Variants in RBFOX3 observed in about 807,000 individuals in gnomAD.
RBFOX3 encodes the protein RNA binding fox-1 homolog 3, also known as RNA binding protein fox-1 homolog 3.
Under a neutral mutation model 48.7 loss-of-function variants are expected in RBFOX3, and 17 were observed. The ratio of observed to expected loss-of-function variants is 0.35; its 90% confidence interval spans 0.24 to 0.52. RBFOX3 has a LOEUF of 0.52. Ranked by LOEUF, RBFOX3 falls within the 20% of genes least tolerant of loss-of-function variation. The pLI, the probability that RBFOX3 is intolerant of heterozygous loss-of-function variation, is 0.94. For missense variants in RBFOX3, 382 were observed against 497.5 expected, an observed-to-expected ratio of 0.77 and a Z score of 2.21; for synonymous variants, 212 against 209.5, an observed-to-expected ratio of 1.01 and a Z score of -0.10.
chr17:79,138,989 TCACA>T (rs1167454810), intron 4 of RBFOX3, among the ~76,000 whole-genome samples: 1 of 34,368 alleles, frequency 2.9e-5, no homozygotes, highest in Non-Finnish European at 5.6e-5. Context: ...TCACACCCCC[TCACA>T]CACATGCACA....
intron 3 of RBFOX3, among the ~76,000 whole-genome samples, chr17:79,268,186 C>G (rs545651762): frequency 6.6e-6 from 1 of 152,056 alleles, no homozygotes; most frequent in South Asian, 2.1e-4. Context: ...CGAGGGTGTC[C>G]CCTGTGGGGA....
rs532717991 is a variant in RBFOX3, at chr17:79,364,490, G to A, written c.-174-56666C>T. ...AGTGCTGCTCTCCCAGGCCAAGCAC[G>A]TCTCCCAGGCATCTGATGGGTCAGT... On this transcript the variant is annotated intron_variant, in intron 2 of 14. Coordinates refer to ENST00000693108, the MANE Select transcript of RBFOX3 (RefSeq NM_001350451.2). The surrounding 1 kb of genome is among the most constrained non-coding windows in gnomAD (Gnocchi z 5.1). Among the ~76,000 whole-genome samples the A allele has an allele frequency of 6.6e-5, 10 of 152,328 alleles. No homozygotes were observed. In the South Asian group the frequency reaches 1.0e-3, roughly 16 times the overall value.
intron 1 of RBFOX3, among the ~76,000 whole-genome samples, chr17:79,534,189 T>C (rs1418555341): frequency 2.0e-5 from 3 of 152,152 alleles, no homozygotes; most frequent in African/African-American, 7.2e-5. Context: ...AATTCTACAA[T>C]AGTGAAAAAC....
chr17:79,430,483 C>T (rs1024299314), intron 2 of RBFOX3, among the ~76,000 whole-genome samples: 13 of 152,098 alleles, frequency 8.5e-5, no homozygotes, highest in South Asian at 2.1e-4. Flanking sequence ...GTATCAAATA[C>T]GCTTTTGCAA....
At chr17:79,563,169 C>A (rs1016135451) in intron 1 of RBFOX3, among the ~76,000 whole-genome samples, 12 of 151,974 alleles carry the variant, frequency 7.9e-5, no homozygotes, top group African/African-American at 2.9e-4. Flanking sequence ...CCCACAAAAA[C>A]CACCAACAAA....
chr17:79,182,558 G>A (rs1279508517), intron 4 of RBFOX3, among the ~76,000 whole-genome samples: 2 of 151,612 alleles, frequency 1.3e-5, no homozygotes, highest in African/African-American at 4.8e-5. Context: ...CCGGCCGGCG[G>A]GCAGGCGGCT....
intron 2 of RBFOX3, among the ~76,000 whole-genome samples, chr17:79,415,307 AC>A (rs995643152): frequency 7.9e-5 from 12 of 152,140 alleles, no homozygotes; most frequent in Admixed American, 6.5e-4. Context: ...CCATGGCTGG[AC>A]CCTGAGTGAT....
In RBFOX3 at chr17:79,097,170, TCC is replaced by T. The variant is rs1371114003; in HGVS notation, c.755+120_755+121del. On this transcript the variant is annotated intron_variant, in intron 11 of 14. Coordinates refer to ENST00000693108, the MANE Select transcript of RBFOX3 (RefSeq NM_001350451.2). Reference sequence around the variant, plus strand: ...GGGCTGAGTTCTGGGGCTCCCACGATCCTCCCCCCCCCCAGGTCTGGAAAGGC... The same window carrying T: ...GGGCTGAGTTCTGGGGCTCCCACGATTCCCCCCCCCCAGGTCTGGAAAGGC... 127 of 834,864 alleles carry T rather than the reference TCC, an allele frequency of 1.5e-4. No homozygotes were observed. In the African/African-American group the frequency reaches 2.0e-3, roughly 13 times the overall value. 51.7% of individuals were successfully genotyped at this position (834,864 alleles called of 1,614,324 possible).
intron 4 of RBFOX3, among the ~76,000 whole-genome samples, chr17:79,137,449 C>T (rs569700734): frequency 6.6e-6 from 1 of 152,310 alleles, no homozygotes; most frequent in South Asian, 2.1e-4. Flanking sequence ...AATCACTGAC[C>T]CAGACACGCC....
At chr17:79,221,527 G>T (rs2147441543) in intron 4 of RBFOX3, among the ~76,000 whole-genome samples, 1 of 152,368 alleles carries the variant, frequency 6.6e-6, no homozygotes, top group East Asian at 1.9e-4. Flanking sequence ...TCAAGGGCCA[G>T]CCCTAGACTA....
At chr17:79,218,318 G>A (rs147343283) in intron 4 of RBFOX3, among the ~76,000 whole-genome samples, 1,919 of 152,132 alleles carry the variant, frequency 0.013, 22 homozygotes, top group Admixed American at 0.017. Context: ...AGAGGAGGAG[G>A]ATCCTCCTAT....
At chr17:79,236,161 A>C (rs1256528888) in intron 3 of RBFOX3, among the ~76,000 whole-genome samples, 1 of 152,148 alleles carries the variant, frequency 6.6e-6, no homozygotes, top group Non-Finnish European at 1.5e-5. Context: ...CCACAAACGC[A>C]GGCCTTGTGG....
intron 2 of RBFOX3, among the ~76,000 whole-genome samples, chr17:79,457,428 C>T (rs1027342203): frequency 6.6e-6 from 1 of 152,178 alleles, no homozygotes; most frequent in East Asian, 1.9e-4. Flanking sequence ...CAAATGTCAT[C>T]GACTTCCAGA....
At chr17:79,184,116 AATCC>A (rs2052881120) in intron 4 of RBFOX3, among the ~76,000 whole-genome samples, 1 of 802 alleles carries the variant, frequency 1.2e-3, no homozygotes, top group Non-Finnish European at 2.7e-3. Flanking sequence ...TCGGTGATGT[AATCC>A]GAGGGCATCT....
chr17:79,627,711 G>T, the RBFOX3 span, among the ~76,000 whole-genome samples: 44 of 152,282 alleles, frequency 2.9e-4, no homozygotes, highest in African/African-American at 1.0e-3. Flanking sequence ...GAGGTGAGCT[G>T]CTTATTGCTG....
At chr17:79,323,416 C>T (rs1348924013) in intron 2 of RBFOX3, among the ~76,000 whole-genome samples, 1 of 152,188 alleles carries the variant, frequency 6.6e-6, no homozygotes, top group Non-Finnish European at 1.5e-5. Context: ...GGCAGTTTTC[C>T]TGGAGATGGA....
intron 1 of RBFOX3, among the ~76,000 whole-genome samples, chr17:79,520,177 C>T (rs1025389632): frequency 6.6e-6 from 1 of 152,238 alleles, no homozygotes; most frequent in African/African-American, 2.4e-5. Context: ...CGCCTCCTCC[C>T]CTGTGGAGTG....
At chr17:79,388,404 A>G (rs2060875444) in intron 2 of RBFOX3, among the ~76,000 whole-genome samples, 1 of 152,146 alleles carries the variant, frequency 6.6e-6, no homozygotes, top group South Asian at 2.1e-4. Flanking sequence ...AGGGTTACTC[A>G]TCTCCCCACG....
chr17:79,489,291 T>C (rs1196200687), intron 1 of RBFOX3, among the ~76,000 whole-genome samples: 3 of 148,382 alleles, frequency 2.0e-5, no homozygotes, highest in Non-Finnish European at 4.5e-5. Context: ...GGATTTAACA[T>C]TCTTCATTTA....
Sources: gnomAD v4.1 joint callset for allele counts (sites outside exome capture counted in the v4.1 genomes callset) on GRCh38, gnomAD v4.1.1 for gene constraint, Gnocchi (gnomAD v3.1) non-coding constraint, MANE v1.5 for transcripts, NCBI Gene and HGNC (gene_info 2026-07-23, HGNC 2026-07-21) for gene names.